Variants in FILIP1L observed in about 807,000 individuals in gnomAD.
The protein encoded by FILIP1L is filamin A interacting protein 1 like.
Under a neutral mutation model 96.6 loss-of-function variants are expected in FILIP1L, and 55 were observed. The ratio of observed to expected loss-of-function variants is 0.57; its 90% confidence interval spans 0.46 to 0.71. The LOEUF (loss-of-function observed/expected upper bound fraction) is 0.71, where lower values mean the gene tolerates loss of function less well. FILIP1L is among the 30% of genes least tolerant of loss of function. The probability of loss-of-function intolerance (pLI) is 0.00; values close to 1 mark genes in which losing one functional copy is unlikely to be tolerated. For missense variants in FILIP1L, 1,304 were observed against 1,321.2 expected, an observed-to-expected ratio of 0.99 and a Z score of 0.20; for synonymous variants, 467 against 473.9, an observed-to-expected ratio of 0.99 and a Z score of 0.19.
At chr3:99,888,941 G>C (rs554059249) in intron 4 of FILIP1L, among the ~76,000 whole-genome samples, 2 of 152,138 alleles carry the variant, frequency 1.3e-5, no homozygotes. Context: ...TAGAGGAAGA[G>C]CATCTTTTTT....
At chr3:100,037,359 G>A (rs2065125480) in intron 1 of FILIP1L, among the ~76,000 whole-genome samples, 2 of 152,032 alleles carry the variant, frequency 1.3e-5, no homozygotes, top group Admixed American at 6.5e-5. Flanking sequence ...GGTGAATATG[G>A]GTGAAGGGTA....
chr3:99,970,702 A>G (rs1708787815), intron 1 of FILIP1L, among the ~76,000 whole-genome samples: 1 of 152,332 alleles, frequency 6.6e-6, no homozygotes, highest in South Asian at 2.1e-4. Context: ...ATGGGATATG[A>G]ACTGGGCTGG....
chr3:99,961,836 A>G (rs978946364), intron 1 of FILIP1L, among the ~76,000 whole-genome samples: 1 of 152,046 alleles, frequency 6.6e-6, no homozygotes, highest in Admixed American at 6.6e-5. Flanking sequence ...TTCTTATGTC[A>G]TAGTTCGTTT....
At chr3:100,107,093 G>T (rs1223425548) in intron 1 of FILIP1L, among the ~76,000 whole-genome samples, 1 of 151,974 alleles carries the variant, frequency 6.6e-6, no homozygotes, top group African/African-American at 2.4e-5. Context: ...AGTGCTGCAG[G>T]TACAGGTGAA....
intron 1 of FILIP1L, among the ~76,000 whole-genome samples, chr3:99,997,978 A>G (rs1286217839): frequency 6.6e-6 from 1 of 152,236 alleles, no homozygotes; most frequent in East Asian, 1.9e-4. Flanking sequence ...TATTCAGAAG[A>G]GTCATTTCAG....
chr3:99,932,740 A>T (rs1006735163), intron 1 of FILIP1L, among the ~76,000 whole-genome samples: 1 of 152,072 alleles, frequency 6.6e-6, no homozygotes, highest in African/African-American at 2.4e-5. Flanking sequence ...AAATACAAAA[A>T]ATTAGCCAGG....
At chr3:99,983,440 ATGTATGTATATATATATATGTG>A (rs1559713538) in intron 1 of FILIP1L, among the ~76,000 whole-genome samples, 1 of 37,910 alleles carries the variant, frequency 2.6e-5, no homozygotes, top group African/African-American at 9.4e-5. Flanking sequence ...ATGTATATAT[ATGTATGTATATATATATATGTG>A]TGTATATATA....
At chr3:100,087,579 GTTTT>G (rs1246856420) in intron 1 of FILIP1L, among the ~76,000 whole-genome samples, 1 of 151,752 alleles carries the variant, frequency 6.6e-6, no homozygotes, top group East Asian at 1.9e-4. Context: ...TTGTTTAATT[GTTTT>G]CTTATTATTG....
intron 4 of FILIP1L, among the ~76,000 whole-genome samples, chr3:99,876,599 A>G (rs1409136972): frequency 2.0e-5 from 3 of 152,158 alleles, no homozygotes; most frequent in African/African-American, 7.2e-5. Context: ...GGAGAGGGAA[A>G]GGAGAAGTCT....
rs748497512 is a variant in FILIP1L at position 99,924,417 on chromosome 3, G to T, written c.427-9C>A. ...TCCACAACTTTGTCCAACTACGAAA[G>T]AAAACATTTATAGCCTGTTACCAAA... is the stretch of plus-strand genomic sequence containing the variant. On this transcript the variant is annotated splice_polypyrimidine_tract_variant and intron_variant, in intron 3 of 5. Coordinates refer to ENST00000477258, the MANE Select transcript of FILIP1L (RefSeq NM_001387850.1). 1.2e-6 allele frequency: 2 copies of T among 1,612,968 alleles called. No homozygotes were observed. The highest frequency in any genetic ancestry group is 1.1e-5 in the South Asian group (1 of 90,880).
chr3:100,029,761 G>A (rs117644702), intron 1 of FILIP1L, among the ~76,000 whole-genome samples: 3,022 of 152,240 alleles, frequency 0.02, 77 homozygotes, highest in East Asian at 0.13. Flanking sequence ...TAGACAAACT[G>A]CTACTAAGAG....
intron 4 of FILIP1L, among the ~76,000 whole-genome samples, chr3:99,905,599 T>C (rs986617538): frequency 6.6e-6 from 1 of 152,260 alleles, no homozygotes; most frequent in Admixed American, 6.5e-5. Context: ...TACAGATTGA[T>C]ACACTTTTAC....
intron 1 of FILIP1L, among the ~76,000 whole-genome samples, chr3:100,051,973 CATAAAT>C (rs992824311): frequency 1.3e-5 from 2 of 149,506 alleles, no homozygotes; most frequent in African/African-American, 4.9e-5. Context: ...TGTATTTATA[CATAAAT>C]ATAAATGTGA....
At chr3:100,014,874 C>CTTTTTT (rs200759774) in intron 1 of FILIP1L, among the ~76,000 whole-genome samples, 27 of 28,196 alleles carry the variant, frequency 9.6e-4, no homozygotes, top group Non-Finnish European at 1.3e-3. Context: ...TTTTTCTTTT[C>CTTTTTT]TTTTTTTTTT....
intron 1 of FILIP1L, among the ~76,000 whole-genome samples, chr3:99,998,109 A>G (rs1023075321): frequency 1.3e-5 from 2 of 152,246 alleles, no homozygotes; most frequent in Non-Finnish European, 2.9e-5. Context: ...GCGGAAATTC[A>G]GAATCATAGT....
At chr3:99,874,141 G>A (rs560180221) in intron 4 of FILIP1L, 4 of 152,072 alleles carry the variant, frequency 2.6e-5, no homozygotes, top group Non-Finnish European at 5.9e-5. Flanking sequence ...ATTAAAGAGT[G>A]TTATTTTTAA....
At chr3:100,009,531 A>C (rs1203369158) in intron 1 of FILIP1L, among the ~76,000 whole-genome samples, 1 of 152,196 alleles carries the variant, frequency 6.6e-6, no homozygotes, top group African/African-American at 2.4e-5. Flanking sequence ...CCTCCACTAC[A>C]CTGAGCCTTT....
At chr3:99,972,918 A>T (rs1364954383) in intron 1 of FILIP1L, among the ~76,000 whole-genome samples, 2 of 152,234 alleles carry the variant, frequency 1.3e-5, no homozygotes, top group African/African-American at 4.8e-5. Context: ...GTTTGTTACA[A>T]GGAAGTAAAC....
chr3:99,955,824 T>C (rs749579071), intron 1 of FILIP1L, among the ~76,000 whole-genome samples: 1 of 152,220 alleles, frequency 6.6e-6, no homozygotes, highest in Non-Finnish European at 1.5e-5. Flanking sequence ...GTTCTCCATT[T>C]TCACAGATTA....
Sources: allele counts gnomAD v4.1 joint callset (sites outside exome capture counted in the v4.1 genomes callset), GRCh38; gene constraint gnomAD v4.1.1; transcripts MANE v1.5; gene names NCBI Gene and HGNC (gene_info 2026-07-23, HGNC 2026-07-21).